ATP1A3: variants seen among roughly 807,000 people sequenced by gnomAD.
The protein encoded by ATP1A3 is sodium/potassium-transporting ATPase subunit alpha-3.
A neutral mutation model predicts 108.8 loss-of-function variants in ATP1A3; 12 were observed. The observed-to-expected ratio is 0.11, with a 90% CI of 0.07 to 0.18. The LOEUF (loss-of-function observed/expected upper bound fraction) is 0.18. Ranked by LOEUF, ATP1A3 falls within the 10% of genes least tolerant of loss-of-function variation. The probability of loss-of-function intolerance (pLI) is 1.00; values close to 1 mark genes in which losing one functional copy is unlikely to be tolerated. For missense variants in ATP1A3, 498 were observed against 1,387.7 expected (o/e 0.36, Z 10.19); for synonymous variants, 539 against 564.5 (o/e 0.95, Z 0.64).
At chr19:41,974,866 C>A (rs569684168) in intron 16 of ATP1A3, among the ~76,000 whole-genome samples, 1 of 152,174 alleles carries the variant, frequency 6.6e-6, no homozygotes, top group Admixed American at 6.5e-5. Flanking sequence ...CCCCTCACAC[C>A]GCCTTGCCTG....
chr19:41,985,527 G>T lies in ATP1A3; in HGVS notation c.607-104C>A. The stretch of plus-strand genomic sequence containing the variant: ...GAAGCCTGTGTGCCTGGAGATCACA[G>T]CTAGAAGCCTGGGTGCCCAGTGGGT... On this transcript the variant is annotated intron_variant, in intron 6 of 22. Transcript: ENST00000648268. This position sits in a 1 kb window ranked among gnomAD's most constrained non-coding sequence, Gnocchi z 8.2. 6 of 1,195,236 alleles carry T rather than the reference G, an allele frequency of 5.0e-6. No individual in the cohort carries two copies. In the South Asian group the frequency reaches 6.4e-5, roughly 13 times the overall value. The allele number at this position is 1,195,236 out of a possible 1,614,324, so 74.0% of individuals were successfully genotyped here. A position where few individuals can be genotyped will look rare whatever the true frequency, so the allele number is the denominator to read the frequency against.
rs782096323 is a variant in ATP1A3, at chr19:41,967,295, G to T, written c.2967C>A (p.Phe989Leu). The T allele has an allele frequency of 1.9e-6, 3 of 1,613,140 alleles. No homozygotes were observed. The highest frequency in any genetic ancestry group is 2.2e-5 in the East Asian group (1 of 44,872). ...TGAGTTTGCGGATTTCGTCGTAGAC[G>T]AAGATGAGGAAACTGTAGGGGAAGG... ...FCAFPYSFLI[F>L]VYDEIRKLIL... Residue 989 changes from phenylalanine to leucine, a missense_variant, in exon 22 of 23, where the codon TTC (phenylalanine) becomes TTA (leucine). Physicochemically the swap from Phe to Leu is conservative, Grantham distance 22 (BLOSUM62 0). Transcript: ENST00000648268. The surrounding 1 kb of genome is among the most constrained non-coding windows in gnomAD (Gnocchi z 4.2).
In ATP1A3 at chr19:41,966,884, C is replaced by T. The variant is rs776731215; in HGVS notation, c.*53G>A. The T allele has an allele frequency of 7.1e-6, 11 of 1,548,804 alleles. No homozygotes were observed. The highest frequency in any genetic ancestry group is 2.8e-5 in the African/African-American group (2 of 72,362). On this transcript the variant is annotated 3_prime_UTR_variant, in exon 23 of 23. Coordinates refer to ENST00000648268, the MANE Select transcript of ATP1A3 (RefSeq NM_152296.5). ...ACAAAATTGGGGGGACTGACAGGGG[C>T]GGTCCTGGGCCTGGGGGACGGGGAA...
chr19:41,976,108 C>T (rs1353141342), intron 15 of ATP1A3, among the ~76,000 whole-genome samples: 1 of 150,336 alleles, frequency 6.7e-6, no homozygotes, highest in Non-Finnish European at 1.5e-5. Context: ...GGCCCCCAGC[C>T]CCTCCTCCCT....
At chr19:41,979,250 T>C (rs2075205121) in intron 11 of ATP1A3, among the ~76,000 whole-genome samples, 1 of 151,766 alleles carries the variant, frequency 6.6e-6, no homozygotes. Context: ...TGATCTGCCC[T>C]CATCGGCCTC....
rs1228646233 is a variant in ATP1A3, at chr19:41,967,481, G to C, written c.2922-141C>G. ...GGAGGGTGCCCTGGGCGGGGCTGGG[G>C]CCTGGGGTCTTCGGAGTAATCCGTG... is the stretch of plus-strand genomic sequence containing the variant. On this transcript the variant is annotated intron_variant, in intron 21 of 22. Coordinates refer to ENST00000648268, the MANE Select transcript of ATP1A3 (RefSeq NM_152296.5). The surrounding 1 kb of genome is among the most constrained non-coding windows in gnomAD (Gnocchi z 4.2). 7.4e-6 allele frequency: 9 copies of C among 1,213,698 alleles called. No homozygotes were observed. Among genetic ancestry groups the C allele is most frequent in the Non-Finnish European group, 1.0e-5 (9 of 868,506 alleles). The allele number at this position is 1,213,698 out of a possible 1,614,324, so 75.2% of individuals were successfully genotyped here.
At chr19:41,971,137 T>C (rs2075104356) in intron 16 of ATP1A3, among the ~76,000 whole-genome samples, 1 of 152,096 alleles carries the variant, frequency 6.6e-6, no homozygotes, top group Admixed American at 6.6e-5. Flanking sequence ...CTAATTTTTG[T>C]ATTTTTAGTA....
Position 41,981,799 on chromosome 19 carries a change from C to A in ATP1A3, c.1225G>T (p.Val409Leu). Residue 409 changes from valine (V) to leucine (L), a missense_variant, in exon 10 of 23, where the codon GTG becomes TTG. Physicochemically the swap from Val to Leu is conservative, Grantham distance 32. Transcript: ENST00000648268. This position sits in a 1 kb window ranked among gnomAD's most constrained non-coding sequence, Gnocchi z 5.0. ...TSFDKSSHTW[V>L]ALSHIAGLCN... is the part of the protein sequence containing the mutation. ...AGCCCAGCGATGTGAGACAGGGCCA[C>A]CCAGGTGTGCGAACTCTTGTCAAAT... 1 of 1,614,226 alleles carries A rather than the reference C, an allele frequency of 6.2e-7. No homozygotes were observed. The highest frequency in any genetic ancestry group is 8.5e-7 in the Non-Finnish European group (1 of 1,180,034).
Position 41,988,210 on chromosome 19 carries a change from CA to C in ATP1A3, c.154-72del. The C allele has an allele frequency of 6.2e-7, 1 of 1,612,630 alleles. No homozygotes were observed. Among genetic ancestry groups the C allele is most frequent in the South Asian group, 1.1e-5 (1 of 91,036 alleles). On this transcript the variant is annotated intron_variant, in intron 3 of 22. Transcript: ENST00000648268. This position sits in a 1 kb window ranked among gnomAD's most constrained non-coding sequence, Gnocchi z 5.3. ...GCACCCCAGGCCTTCACCAGACCCC[CA>C]GAACTTAAGACACCAGCCACAGCCC... is the stretch of plus-strand genomic sequence containing the variant.
At chr19:41,974,239 A>AG (rs1209164239) in intron 16 of ATP1A3, among the ~76,000 whole-genome samples, 1 of 152,090 alleles carries the variant, frequency 6.6e-6, no homozygotes, top group East Asian at 1.9e-4. Flanking sequence ...TCAAAAAAAA[A>AG]GAAAGACTAG....
At chr19:41,971,121 G>A (rs535528120) in intron 16 of ATP1A3, among the ~76,000 whole-genome samples, 4 of 151,922 alleles carry the variant, frequency 2.6e-5, no homozygotes, top group East Asian at 1.9e-4. Flanking sequence ...GCGCCACCAC[G>A]TCCAGCTAAT....
intron 16 of ATP1A3, among the ~76,000 whole-genome samples, chr19:41,974,550 C>G (rs1402708268): frequency 6.6e-6 from 1 of 152,192 alleles, no homozygotes; most frequent in African/African-American, 2.4e-5. Context: ...ATCTGTTACT[C>G]TGGGCTCGGC....
rs1555863420 is a variant in ATP1A3, at chr19:41,981,656, T to A, written c.1303-20A>T. The A allele has an allele frequency of 1.2e-6, 2 of 1,614,104 alleles. No homozygotes were observed. Among genetic ancestry groups the A allele is most frequent in the Admixed American group, 3.3e-5 (2 of 60,016 alleles). On this transcript the variant is annotated intron_variant, in intron 10 of 22. Coordinates refer to ENST00000648268, the MANE Select transcript of ATP1A3 (RefSeq NM_152296.5). The surrounding 1 kb of genome is among the most constrained non-coding windows in gnomAD (Gnocchi z 5.0). ...ATCCCTCTGCAAGGAGAAAGGGTTG[T>A]CAGAACAGGGACAGCTGAGGGGAGG...
rs374542368 is a variant in ATP1A3 at position 41,981,905 on chromosome 19, C to T, written c.1192+3G>A. ...ATGGTCCTCACCCGGGGCCTGCGCT[C>T]ACCTGACTGGTCCTCAGTGGTGTCA... On this transcript the variant is annotated splice_donor_region_variant and intron_variant, in intron 9 of 22. Transcript: ENST00000648268. The surrounding 1 kb of genome is among the most constrained non-coding windows in gnomAD (Gnocchi z 5.0). The T allele has an allele frequency of 1.1e-4, 184 of 1,614,230 alleles. 1 individual carries two copies. The South Asian group carries it at 1.6e-3, about 14-fold the overall frequency.
In ATP1A3 at chr19:41,968,391, C is replaced by T. The variant is rs1421919215; in HGVS notation, c.2819+394G>A. Among the ~76,000 whole-genome samples, 1 of 152,124 alleles carries T rather than the reference C, an allele frequency of 6.6e-6. No homozygotes were observed. The highest frequency in any genetic ancestry group is 1.9e-4 in the East Asian group (1 of 5,190). On this transcript the variant is annotated intron_variant, in intron 20 of 22. Transcript: ENST00000648268. This position sits in a 1 kb window ranked among gnomAD's most constrained non-coding sequence, Gnocchi z 5.0. ...GAGCCTGGTGGTGCGTACCTGTAAT[C>T]CCAGCTACTTGGGAGGCTGAGGCAT... is the stretch of plus-strand genomic sequence containing the variant.
rs972485347 is a variant in ATP1A3 at position 41,967,914 on chromosome 19, T to C, written c.2820-151A>G. On this transcript the variant is annotated intron_variant, in intron 20 of 22. Transcript: ENST00000648268. The surrounding 1 kb of genome is among the most constrained non-coding windows in gnomAD (Gnocchi z 4.2). ...GCAGAGACATAGGGAGAGACAGAGA[T>C]GGGGAGACATGCCCCGACAGAGAGA... 13 of 722,748 alleles carry C rather than the reference T, an allele frequency of 1.8e-5. No homozygotes were observed. The highest frequency in any genetic ancestry group is 1.4e-4 in the Admixed American group (7 of 48,686). 44.8% of individuals were successfully genotyped at this position (722,748 alleles called of 1,614,324 possible). A position where few individuals can be genotyped will look rare whatever the true frequency, so the allele number is the denominator to read the frequency against.
intron 8 of ATP1A3, among the ~76,000 whole-genome samples, chr19:41,982,434 T>C (rs917307544): frequency 6.6e-6 from 1 of 152,146 alleles, no homozygotes; most frequent in Admixed American, 6.5e-5. Flanking sequence ...GAGACCAGCC[T>C]GGCTAACATG....
intron 16 of ATP1A3, among the ~76,000 whole-genome samples, chr19:41,974,391 C>T (rs936411783): frequency 4.6e-5 from 7 of 152,046 alleles, no homozygotes; most frequent in African/African-American, 1.5e-4. Context: ...TGCAGTTAGC[C>T]GTGATTGTGC....
rs2288507 is a variant in ATP1A3, at chr19:41,978,181, C to T, written c.1776G>A (p.Ala592=). 90 of 1,614,228 alleles carry T rather than the reference C, an allele frequency of 5.6e-5. No homozygotes were observed. In the East Asian group the frequency reaches 1.7e-3, roughly 30 times the overall value. Residue 592 remains alanine, a synonymous_variant, in exon 13 of 23, where the codon GCG becomes GCA. Coordinates refer to ENST00000648268, the MANE Select transcript of ATP1A3 (RefSeq NM_152296.5). The surrounding 1 kb of genome is among the most constrained non-coding windows in gnomAD (Gnocchi z 8.3). ...IDPPRAAVPD[A]VGKCRSAGIK... The stretch of plus-strand genomic sequence containing the variant: ...TGCCTGCGCTGCGACACTTGCCCAC[C>T]GCGTCAGGGACGGCTGCCCGGGGTG...
Sources: allele counts gnomAD v4.1 joint callset (sites outside exome capture counted in the v4.1 genomes callset), GRCh38; gene constraint gnomAD v4.1.1; non-coding constraint Gnocchi (gnomAD v3.1); transcripts MANE v1.5; gene names NCBI Gene and HGNC (gene_info 2026-07-23, HGNC 2026-07-21).